The following ZPLD1 variants were observed in gnomAD, a reference collection of about 807,000 sequenced individuals.
The protein encoded by ZPLD1 is zona pellucida-like domain-containing protein 1.
A neutral mutation model predicts 47.2 loss-of-function variants in ZPLD1; 34 were observed. The observed-to-expected ratio is 0.72, with a 90% CI of 0.55 to 0.96. ZPLD1 has a LOEUF of 0.96. Among genes scored for constraint, ZPLD1 ranks in the 40% least tolerant of loss-of-function variants. The probability of loss-of-function intolerance (pLI) is 0.00; values close to 1 mark genes in which losing one functional copy is unlikely to be tolerated. For missense variants in ZPLD1, 512 were observed against 505.8 expected (o/e 1.01, Z -0.12); for synonymous variants, 176 against 186.2 (o/e 0.95, Z 0.45).
At chr3:102,448,084 C>G (rs1219000008) in intron 3 of ZPLD1, among the ~76,000 whole-genome samples, 1 of 152,110 alleles carries the variant, frequency 6.6e-6, no homozygotes, top group South Asian at 2.1e-4. Context: ...AGATGGACGA[C>G]AGGGTACAGA....
intron 7 of ZPLD1, 94 bp downstream of exon 7, chr3:102,462,472 G>A (rs1707523860): frequency 1.3e-6 from 1 of 765,028 alleles, no homozygotes; most frequent in Non-Finnish European, 2.1e-6. Flanking sequence ...TTTAAATTCA[G>A]TTTGAAAATA....
chr3:102,453,245 A>T, intron 4 of ZPLD1, 106 bp downstream of exon 4: 1 of 999,196 alleles, frequency 1.0e-6, no homozygotes, highest in Non-Finnish European at 1.5e-6. Context: ...AAAAAAAATA[A>T]AATTGAACAA....
intron 3 of ZPLD1, among the ~76,000 whole-genome samples, chr3:102,450,785 T>C (rs1707326107): frequency 6.6e-6 from 1 of 152,118 alleles, no homozygotes; most frequent in Admixed American, 6.6e-5. Context: ...AGCATGTAGA[T>C]AGAGAAAAAT....
intron 6 of ZPLD1, 121 bp downstream of exon 6, chr3:102,457,974 A>G: frequency 1.2e-6 from 1 of 844,760 alleles, no homozygotes; most frequent in Non-Finnish European, 1.8e-6. Context: ...CCTTGGTAAC[A>G]TTTATCTATT....
At chr3:102,473,357 C>A (rs1000262843) in intron 10 of ZPLD1, among the ~76,000 whole-genome samples, 1 of 152,158 alleles carries the variant, frequency 6.6e-6, no homozygotes, top group African/African-American at 2.4e-5. Context: ...TCCAGTTGCC[C>A]AAAATATCTA....
intron 7 of ZPLD1, among the ~76,000 whole-genome samples, chr3:102,417,244 T>G (rs912536281): frequency 6.6e-6 from 1 of 151,948 alleles, no homozygotes; most frequent in Non-Finnish European, 1.5e-5. Context: ...GTAATATAAA[T>G]CAATACAAAA....
Position 102,436,894 on chromosome 3 carries a change from C to G in ZPLD1, c.-88C>G. ...CTGTGTTGGGGACAACAGTGTGGGT[C>G]TAGAGTTTCCAATGTCTTCCAGGAG... is the stretch of plus-strand genomic sequence containing the variant. On this transcript the variant is annotated 5_prime_UTR_variant, in exon 2 of 12. Coordinates refer to ENST00000466937, the MANE Select transcript of ZPLD1 (RefSeq NM_001329788.2). 2 of 985,336 alleles carry G rather than the reference C, an allele frequency of 2.0e-6. No homozygotes were observed. The highest frequency in any genetic ancestry group is 2.4e-6 in the Non-Finnish European group (2 of 829,880). 61.0% of individuals were successfully genotyped at this position (985,336 alleles called of 1,614,324 possible). A position where few individuals can be genotyped will look rare whatever the true frequency, so the allele number is the denominator to read the frequency against.
At chr3:102,397,509 T>A (rs1706571606) in intron 7 of ZPLD1, among the ~76,000 whole-genome samples, 1 of 152,126 alleles carries the variant, frequency 6.6e-6, no homozygotes, top group Admixed American at 6.6e-5. Flanking sequence ...CTAGGTGCCT[T>A]TCTCAGCTAT....
At chr3:102,410,150 C>T (rs1330089962) in intron 7 of ZPLD1, among the ~76,000 whole-genome samples, 1 of 151,612 alleles carries the variant, frequency 6.6e-6, no homozygotes, top group Non-Finnish European at 1.5e-5. Flanking sequence ...TTTCCTTTTT[C>T]ATCTTGATTG....
At chr3:102,465,673 G>A (rs1707580717) in intron 8 of ZPLD1, among the ~76,000 whole-genome samples, 1 of 152,092 alleles carries the variant, frequency 6.6e-6, no homozygotes. Context: ...TATAGAAGCA[G>A]CTTAGTTCTG....
chr3:102,447,367 C>G (rs956842194), intron 3 of ZPLD1, among the ~76,000 whole-genome samples: 4 of 152,104 alleles, frequency 2.6e-5, no homozygotes, highest in Admixed American at 2.0e-4. Flanking sequence ...CCTGGCCTCC[C>G]CATCCTTTTT....
chr3:102,427,860 C>T (rs1420789246), intron 8 of ZPLD1, among the ~76,000 whole-genome samples: 2 of 152,164 alleles, frequency 1.3e-5, no homozygotes, highest in African/African-American at 4.8e-5. Flanking sequence ...CAGCCCACTA[C>T]TTATGGTGGT....
At chr3:102,445,471 A>G (rs570424039) in intron 3 of ZPLD1, among the ~76,000 whole-genome samples, 11 of 152,284 alleles carry the variant, frequency 7.2e-5, no homozygotes, top group African/African-American at 2.4e-4. Flanking sequence ...GGTGAAATCC[A>G]CCTATGAGCT....
chr3:102,413,492 T>C lies in ZPLD1; in HGVS notation c.-156-4568T>C, dbSNP rs1021605701. 6.6e-5 allele frequency among the ~76,000 whole-genome samples: 10 copies of C among 151,960 alleles called. No individual in the cohort carries two copies. In the East Asian group the frequency reaches 1.9e-3, roughly 30 times the overall value. On this transcript the variant is annotated intron_variant, in intron 7 of 17. Coordinates refer to the ZPLD1 transcript ENST00000491959. ...TTTAATTTTTTAGAAAACTCCTTTA[T>C]GGACAATGGTTTTATAAAATCTGTT...
Position 102,456,104 on chromosome 3 carries a change from G to T in ZPLD1, c.328-89G>T, listed in dbSNP as rs985644291. ...TATAGTTGAACTAGACTCTAGAATA[G>T]ATTTTGCTTAATGTTTTATTTTGCA... is the stretch of plus-strand genomic sequence containing the variant. On this transcript the variant is annotated intron_variant, in intron 4 of 11. Coordinates refer to ENST00000466937, the MANE Select transcript of ZPLD1 (RefSeq NM_001329788.2). 95 of 1,087,388 alleles carry T rather than the reference G, an allele frequency of 8.7e-5. 1 individual carries two copies. The highest frequency in any genetic ancestry group is 4.2e-4 in the Middle Eastern group (2 of 4,734). The allele number at this position is 1,087,388 out of a possible 1,614,324, so 67.4% of individuals were successfully genotyped here.
intron 3 of ZPLD1, among the ~76,000 whole-genome samples, chr3:102,450,268 TA>T (rs1397590061): frequency 6.6e-6 from 1 of 152,170 alleles, no homozygotes; most frequent in Non-Finnish European, 1.5e-5. Context: ...AATTTACATA[TA>T]ATAAGATGTG....
intron 8 of ZPLD1, among the ~76,000 whole-genome samples, chr3:102,426,817 A>G (rs1408491593): frequency 6.6e-6 from 1 of 152,164 alleles, no homozygotes; most frequent in African/African-American, 2.4e-5. Flanking sequence ...AAAGTATCAT[A>G]TTTTGTGGAT....
intron 7 of ZPLD1, among the ~76,000 whole-genome samples, chr3:102,412,842 A>AGT (rs1168363910): frequency 6.6e-6 from 1 of 151,306 alleles, no homozygotes; most frequent in Non-Finnish European, 1.5e-5. Context: ...TATATATATG[A>AGT]GTGTGTGTGT....
chr3:102,456,180 A>G lies in ZPLD1; in HGVS notation c.328-13A>G. 1.2e-6 allele frequency: 2 copies of G among 1,605,332 alleles called. No homozygotes were observed. Among genetic ancestry groups the G allele is most frequent in the Non-Finnish European group, 1.7e-6 (2 of 1,176,230 alleles). On this transcript the variant is annotated splice_polypyrimidine_tract_variant and intron_variant, in intron 4 of 11. Transcript: ENST00000466937. ...GCCATTTAATCATTAAACTGCATCT[A>G]ACATTCTAACAGGTATCCACAATTC... is the stretch of plus-strand genomic sequence containing the variant.
Sources: gnomAD v4.1 joint callset for allele counts (sites outside exome capture counted in the v4.1 genomes callset) on GRCh38, gnomAD v4.1.1 for gene constraint, MANE v1.5 for transcripts, NCBI Gene and HGNC (gene_info 2026-07-23, HGNC 2026-07-21) for gene names.